The following STAM variants were observed in gnomAD, a reference collection of about 807,000 sequenced individuals.
STAM encodes the protein signal transducing adaptor molecule, also known as signal transducing adapter molecule 1.
Under a neutral mutation model 63.4 loss-of-function variants are expected in STAM, and 16 were observed. The ratio of observed to expected loss-of-function variants is 0.25; its 90% CI spans 0.17 to 0.38. The LOEUF is 0.38. Ranked by LOEUF, STAM falls within the 10% of genes least tolerant of loss-of-function variation. STAM has a pLI of 1.00. For missense variants in STAM, 636 were observed against 657.1 expected, an observed-to-expected ratio of 0.97 and a Z score of 0.35; for synonymous variants, 238 against 223.9, an observed-to-expected ratio of 1.06 and a Z score of -0.56.
chr10:17,687,842 T>C (rs1291847899), intron 4 of STAM, among the ~76,000 whole-genome samples, 185 bp from the exon 5 acceptor site: 1 of 152,244 alleles, frequency 6.6e-6, no homozygotes, highest in African/African-American at 2.4e-5. Context: ...AAGTGAGATA[T>C]ATATGATGGG....
chr10:17,667,571 T>TG (rs1834447271), intron 2 of STAM, among the ~76,000 whole-genome samples: 1 of 152,258 alleles, frequency 6.6e-6, no homozygotes, highest in Admixed American at 6.5e-5. Context: ...TATCATGCTT[T>TG]GGCTATACAG....
chr10:17,690,338 A>G (rs1835477376), intron 5 of STAM, among the ~76,000 whole-genome samples: 1 of 152,250 alleles, frequency 6.6e-6, no homozygotes, highest in Non-Finnish European at 1.5e-5. Flanking sequence ...CTCTTGTTCA[A>G]GAAATTCAGG....
chr10:17,716,080 T>C lies in STAM; in HGVS notation c.*1300T>C, dbSNP rs751460681. On this transcript the variant is annotated 3_prime_UTR_variant, in exon 14 of 14. Coordinates refer to ENST00000377524, the MANE Select transcript of STAM (RefSeq NM_003473.4). ...CTTTTAATTCATGCGAAAAATGTTTTCCACTGACATTGTAATCTTAAATAT... is the reference window on the plus strand; with the variant it reads ...CTTTTAATTCATGCGAAAAATGTTTCCCACTGACATTGTAATCTTAAATAT... 2.0e-4 allele frequency among the ~76,000 whole-genome samples: 30 copies of C among 152,194 alleles called. No individual in the cohort carries two copies. Among genetic ancestry groups the C allele is most frequent in the South Asian group, 1.0e-3 (5 of 4,832 alleles).
intron 1 of STAM, among the ~76,000 whole-genome samples, chr10:17,649,072 T>G (rs1833634580): frequency 6.6e-6 from 1 of 152,216 alleles, no homozygotes. Flanking sequence ...TCAAACGTCA[T>G]TTTCTGAGAC....
At position 17,686,374 on chromosome 10, in the gene STAM, C is replaced by T. The variant is rs115323131; in HGVS notation, c.297+1447C>T. Among the ~76,000 whole-genome samples, 1,146 of 148,962 alleles carry T rather than the reference C, an allele frequency of 7.7e-3. 13 individuals carry two copies. The highest frequency in any genetic ancestry group is 0.026 in the African/African-American group (1,058 of 40,712). On this transcript the variant is annotated intron_variant, in intron 4 of 13. Coordinates refer to ENST00000377524, the MANE Select transcript of STAM (RefSeq NM_003473.4). ...TATTGGTTTTGTACTTAATAACATCCCGCCTTTTTTTTTTTTTTTTGAGAC... is the reference window on the plus strand; with the variant it reads ...TATTGGTTTTGTACTTAATAACATCTCGCCTTTTTTTTTTTTTTTTGAGAC...
At chr10:17,696,088 T>G (rs1835742964) in intron 7 of STAM, 1 of 152,174 alleles carries the variant, frequency 6.6e-6, no homozygotes, top group Non-Finnish European at 1.5e-5. Flanking sequence ...CCCCACCTTC[T>G]GATACCATTG....
intron 2 of STAM, among the ~76,000 whole-genome samples, chr10:17,668,117 T>C (rs1554823660): frequency 6.6e-6 from 1 of 152,202 alleles, no homozygotes; most frequent in Non-Finnish European, 1.5e-5. Flanking sequence ...TACACTGTTA[T>C]TAAAAGCTCC....
intron 2 of STAM, among the ~76,000 whole-genome samples, chr10:17,672,409 C>T (rs1834677385): frequency 1.3e-5 from 2 of 152,196 alleles, no homozygotes; most frequent in Non-Finnish European, 2.9e-5. Context: ...GTATCATATA[C>T]ATGTTTAACC....
chr10:17,666,298 A>G (rs1834372541), intron 2 of STAM, among the ~76,000 whole-genome samples: 1 of 152,064 alleles, frequency 6.6e-6, no homozygotes, highest in Non-Finnish European at 1.5e-5. Context: ...GAGAAAGATC[A>G]TATGATAGTC....
At chr10:17,691,396 T>C (rs1377630251) in intron 5 of STAM, among the ~76,000 whole-genome samples, 1 of 152,082 alleles carries the variant, frequency 6.6e-6, no homozygotes, top group African/African-American at 2.4e-5. Context: ...CAGGTGCCTG[T>C]AGTCCCAGCT....
chr10:17,670,863 G>A (rs1554824000), intron 2 of STAM, among the ~76,000 whole-genome samples: 3 of 152,050 alleles, frequency 2.0e-5, no homozygotes, highest in Middle Eastern at 3.4e-3. Context: ...TTTATATGTT[G>A]TGTGGATTAT....
intron 2 of STAM, among the ~76,000 whole-genome samples, chr10:17,673,977 A>G (rs1834747248): frequency 1.3e-5 from 2 of 152,082 alleles, no homozygotes; most frequent in African/African-American, 4.8e-5. Context: ...TAGGATGAGT[A>G]AGCGTTGACT....
chr10:17,655,439 A>G (rs556891670), intron 1 of STAM, among the ~76,000 whole-genome samples: 72 of 152,194 alleles, frequency 4.7e-4, no homozygotes, highest in African/African-American at 1.6e-3. Context: ...ACCAATACCT[A>G]TTGGTTATTA....
Position 17,685,091 on chromosome 10 carries a change from C to T in STAM, c.297+164C>T, listed in dbSNP as rs138762241. Among the ~76,000 whole-genome samples the T allele has an allele frequency of 2.8e-4, 42 of 152,060 alleles. No individual in the cohort carries two copies. The East Asian group carries it at 5.6e-3, about 20-fold the overall frequency. On this transcript the variant is annotated intron_variant, in intron 4 of 13. Transcript: ENST00000377524. Reference sequence around the variant, plus strand: ...ATATTATGTTTTGTTGAAGAGACTGCGGATTCATGTAACTTTGAGTTAGTT... The same window carrying T: ...ATATTATGTTTTGTTGAAGAGACTGTGGATTCATGTAACTTTGAGTTAGTT...
chr10:17,658,088 A>G (rs571756181), intron 1 of STAM, among the ~76,000 whole-genome samples: 25 of 152,186 alleles, frequency 1.6e-4, no homozygotes, highest in African/African-American at 5.5e-4. Flanking sequence ...TTTTAAAAAT[A>G]TGTATTCAAT....
At chr10:17,683,679 C>G (rs1554825731) in intron 2 of STAM, among the ~76,000 whole-genome samples, 1 of 151,930 alleles carries the variant, frequency 6.6e-6, no homozygotes, top group Non-Finnish European at 1.5e-5. Flanking sequence ...TATATTTCTT[C>G]ATCATTATGT....
At chr10:17,698,354 T>C (rs61842346) in intron 8 of STAM, among the ~76,000 whole-genome samples, 1 of 152,110 alleles carries the variant, frequency 6.6e-6, no homozygotes, top group Non-Finnish European at 1.5e-5. Flanking sequence ...CTGGAGAGGA[T>C]AGAATTGCTT....
chr10:17,666,774 C>G (rs782146958), intron 2 of STAM, among the ~76,000 whole-genome samples: 1 of 152,070 alleles, frequency 6.6e-6, no homozygotes, highest in Admixed American at 6.6e-5. Context: ...AGAATATTTC[C>G]TGATTTTTGT....
At chr10:17,698,727 TA>T (rs1554827952) in intron 8 of STAM, among the ~76,000 whole-genome samples, 1 of 152,134 alleles carries the variant, frequency 6.6e-6, no homozygotes, top group African/African-American at 2.4e-5. Flanking sequence ...ATATTGTATA[TA>T]AATAATATAT....
Sources: gnomAD v4.1 joint callset for allele counts (sites outside exome capture counted in the v4.1 genomes callset) on GRCh38, gnomAD v4.1.1 for gene constraint, MANE v1.5 for transcripts, NCBI Gene and HGNC (gene_info 2026-07-23, HGNC 2026-07-21) for gene names.